FOLR3: variants seen among roughly 807,000 people sequenced by gnomAD.
FOLR3 encodes the protein folate receptor 3 (gamma).
Under a neutral mutation model 20.0 loss-of-function variants are expected in FOLR3, and 9 were observed. That is an observed-to-expected ratio of 0.45 (90% CI 0.27 to 0.79). The LOEUF (loss-of-function observed/expected upper bound fraction) is 0.79. FOLR3 is among the 30% of genes least tolerant of loss of function. The probability of loss-of-function intolerance (pLI) is 0.15; values close to 1 mark genes in which losing one functional copy is unlikely to be tolerated. For missense variants in FOLR3, 309 were observed against 323.5 expected (o/e 0.96, Z 0.34); for synonymous variants, 124 against 115.5 (o/e 1.07, Z -0.47).
intron 2 of FOLR3, 58 bp downstream of exon 2, chr11:72,136,178 C>T: frequency 1.3e-6 from 2 of 1,588,454 alleles, no homozygotes; most frequent in Non-Finnish European, 1.7e-6. Context: ...ATGGCACGAG[C>T]AATGGCAGGT....
At chr11:72,136,361 C>G (rs528756212) in intron 2 of FOLR3, among the ~76,000 whole-genome samples, 20 of 152,178 alleles carry the variant, frequency 1.3e-4, no homozygotes, top group Non-Finnish European at 2.6e-4. Flanking sequence ...TGGCCTGCTC[C>G]CTACAAGGTT....
chr11:72,136,152 C>T (rs1947739760), intron 2 of FOLR3, 32 bp downstream of exon 2: 2 of 1,611,794 alleles, frequency 1.2e-6, no homozygotes, highest in African/African-American at 1.3e-5. Flanking sequence ...ACAGCATGCA[C>T]ACAGGTCAGA....
At chr11:72,136,156 G>T in intron 2 of FOLR3, 36 bp downstream of exon 2, 7 of 1,607,702 alleles carry the variant, frequency 4.4e-6, no homozygotes, top group Non-Finnish European at 6.0e-6. Flanking sequence ...CATGCACACA[G>T]GTCAGAGGGT....
Position 72,139,793 on chromosome 11 carries a change from AATGCT to A in FOLR3, c.701_705del (p.Asn234ArgfsTer9), listed in dbSNP as rs769246488. On this transcript the variant is annotated frameshift_variant, in exon 5 of 5. Transcript: ENST00000611028. LOFTEE classifies it low-confidence loss of function (END_TRUNC). The stretch of plus-strand genomic sequence containing the variant: ...GGCCAAGTTCTATGCTGCGGCCATG[AATGCT>A]GGGGCCCCGTCTCGTGGGATTATTG... 1.8e-5 allele frequency: 29 copies of A among 1,613,846 alleles called. No homozygotes were observed. Among genetic ancestry groups the A allele is most frequent in the Non-Finnish European group, 2.4e-5 (28 of 1,179,920 alleles).
In FOLR3 at chr11:72,139,818, T is replaced by A; in HGVS notation, c.725T>A (p.Ile242Asn). ...AMNAGAPSRGIIDS is the reference protein window; with the variant it reads ...AMNAGAPSRGNIDS ...AATGCTGGGGCCCCGTCTCGTGGGA[T>A]TATTGATTCCTGATCCAAGAAGGGT... is the stretch of plus-strand genomic sequence containing the variant. The change falls in exon 5 of 5, where the codon ATT becomes AAT. Residue 242 changes from isoleucine (I) to asparagine (N), a missense_variant. Coordinates refer to ENST00000611028, the MANE Select transcript of FOLR3 (RefSeq NM_000804.4). 6.2e-7 allele frequency: 1 copy of A among 1,613,898 alleles called. No homozygotes were observed. Among genetic ancestry groups the A allele is most frequent in the Non-Finnish European group, 8.5e-7 (1 of 1,179,828 alleles).
intron 3 of FOLR3, 48 bp from the exon 4 acceptor site, chr11:72,139,299 T>G (rs377203798): frequency 5.1e-5 from 82 of 1,594,462 alleles, no homozygotes; most frequent in Non-Finnish European, 6.0e-5. Context: ...AGGGTAAAGC[T>G]GCTGAGATAC....
rs772052365 is a variant in FOLR3, at chr11:72,135,946, G to A, written c.-6-1G>A. ...TACCTCTGACTGTGGCTCTCTGGCA[G>A]GAATAGATGGACATGGCCTGGCAGA... On this transcript the variant is annotated splice_acceptor_variant, in intron 1 of 4. Coordinates refer to ENST00000611028, the MANE Select transcript of FOLR3 (RefSeq NM_000804.4). LOFTEE classifies it low-confidence loss of function (5UTR_SPLICE). 10 of 1,608,366 alleles carry A rather than the reference G, an allele frequency of 6.2e-6. No homozygotes were observed. Among genetic ancestry groups the A allele is most frequent in the Non-Finnish European group, 7.7e-6 (9 of 1,176,298 alleles).
At chr11:72,138,669 G>A (rs1238652094) in intron 2 of FOLR3, among the ~76,000 whole-genome samples, 1 of 152,208 alleles carries the variant, frequency 6.6e-6, no homozygotes. Context: ...CTCCTCGGGA[G>A]GCTGAGGTGG....
In FOLR3 at chr11:72,136,087, A is replaced by G; in HGVS notation, c.135A>G (p.Thr45=). 1.9e-6 allele frequency: 3 copies of G among 1,614,102 alleles called. No homozygotes were observed. Among genetic ancestry groups the G allele is most frequent in the South Asian group, 1.1e-5 (1 of 91,080 alleles). The change falls in exon 2 of 5, where the codon ACA becomes ACG. Residue 45 remains threonine (T), a synonymous_variant. Coordinates refer to ENST00000611028, the MANE Select transcript of FOLR3 (RefSeq NM_000804.4). Reference sequence around the variant, plus strand: ...GCATGAACGCCAAGCACCACAAGACACAGCCCAGCCCCGAGGACGAGCTGT... The same window carrying G: ...GCATGAACGCCAAGCACCACAAGACGCAGCCCAGCCCCGAGGACGAGCTGT... ...NVCMNAKHHK[T]QPSPEDELYG... is the part of the protein sequence containing the mutation.
chr11:72,138,627 G>T (rs7926360), intron 2 of FOLR3, among the ~76,000 whole-genome samples: 10,023 of 152,002 alleles, frequency 0.066, 438 homozygotes, highest in African/African-American at 0.11. Flanking sequence ...CTTTATATTA[G>T]CCAGGCATGG....
chr11:72,139,840 G>A lies in FOLR3; in HGVS notation c.*9G>A. 3 of 1,612,576 alleles carry A rather than the reference G, an allele frequency of 1.9e-6. No homozygotes were observed. The highest frequency in any genetic ancestry group is 1.7e-6 in the Non-Finnish European group (2 of 1,178,818). On this transcript the variant is annotated 3_prime_UTR_variant, in exon 5 of 5. Transcript: ENST00000611028. Reference sequence around the variant, plus strand: ...GGATTATTGATTCCTGATCCAAGAAGGGTCCTCTGGGGTTCTTCCAACAAC... The same window carrying A: ...GGATTATTGATTCCTGATCCAAGAAAGGTCCTCTGGGGTTCTTCCAACAAC...
chr11:72,136,969 A>C (rs60941917), intron 2 of FOLR3, among the ~76,000 whole-genome samples: 2,230 of 152,322 alleles, frequency 0.015, 59 homozygotes, highest in African/African-American at 0.051. Context: ...AAGAGTTGGA[A>C]CATCCAAGGA....
At position 72,139,579 on chromosome 11, in the gene FOLR3, T is replaced by TC; in HGVS notation, c.494-5dup. Reference sequence around the variant, plus strand: ...AGAAGCTAAGGGTCTTACGTTCTCCTCCCTCAGGGATTAATGAGTGTCCGG... The same window carrying TC: ...AGAAGCTAAGGGTCTTACGTTCTCCTCCCCTCAGGGATTAATGAGTGTCCGG... On this transcript the variant is annotated splice_region_variant and splice_polypyrimidine_tract_variant and intron_variant, in intron 4 of 4. Transcript: ENST00000611028. The TC allele has an allele frequency of 6.2e-7, 1 of 1,613,874 alleles. No homozygotes were observed.
intron 2 of FOLR3, among the ~76,000 whole-genome samples, chr11:72,138,171 A>G (rs779835506): frequency 5.3e-5 from 8 of 152,194 alleles, no homozygotes; most frequent in Non-Finnish European, 1.0e-4. Flanking sequence ...GTTCGAGACC[A>G]GCCTGGCAAA....
At chr11:72,136,394 A>ATG (rs1316173237) in intron 2 of FOLR3, among the ~76,000 whole-genome samples, 4 of 151,848 alleles carry the variant, frequency 2.6e-5, no homozygotes, top group Admixed American at 2.6e-4. Flanking sequence ...AGGGCTGGGG[A>ATG]TGTGCCTAGG....
chr11:72,139,689 T>C lies in FOLR3; in HGVS notation c.596T>C (p.Val199Ala), dbSNP rs1947793878. ...CEGLWSHSFK[V>A]SNYSRGSGRC... ...GGCCTCTGGAGCCACTCCTTCAAGGTCAGCAACTATAGTCGAGGGAGCGGC... is the reference window on the plus strand; with the variant it reads ...GGCCTCTGGAGCCACTCCTTCAAGGCCAGCAACTATAGTCGAGGGAGCGGC... The change falls in exon 5 of 5, where the codon GTC becomes GCC. Residue 199 changes from valine (V) to alanine (A), a missense_variant. Physicochemically the swap from Val to Ala is moderately conservative, Grantham distance 64. Transcript: ENST00000611028. 8 of 1,613,734 alleles carry C rather than the reference T, an allele frequency of 5.0e-6. No individual in the cohort carries two copies. The highest frequency in any genetic ancestry group is 6.8e-6 in the Non-Finnish European group (8 of 1,179,932).
chr11:72,139,191 C>T (rs375612736), intron 3 of FOLR3, 42 bp downstream of exon 3: 11 of 1,581,888 alleles, frequency 7.0e-6, no homozygotes, highest in Admixed American at 3.5e-5. Context: ...CAGCAGAGGG[C>T]GGAGCCTGCC....
intron 2 of FOLR3, among the ~76,000 whole-genome samples, chr11:72,137,647 GT>G (rs990410805): frequency 1.3e-5 from 2 of 151,888 alleles, no homozygotes; most frequent in African/African-American, 4.8e-5. Flanking sequence ...GCCTACCACT[GT>G]GCCTGGCTAA....
chr11:72,139,079 G>A lies in FOLR3; in HGVS notation c.287G>A (p.Cys96Tyr). 2 of 1,604,760 alleles carry A rather than the reference G, an allele frequency of 1.2e-6. No homozygotes were observed. Among genetic ancestry groups the A allele is most frequent in the Non-Finnish European group, 1.7e-6 (2 of 1,177,324 alleles). The change falls in exon 3 of 5, where the codon TGC (cysteine) becomes TAC (tyrosine). Residue 96 changes from cysteine (C) to tyrosine (Y), a missense_variant. Cys to Tyr is a radical substitution (Grantham distance 194). Coordinates refer to ENST00000611028, the MANE Select transcript of FOLR3 (RefSeq NM_000804.4). ...CACTGTGGTAAGATGGAACCCACCTGCAAGCGCCACTTTATCCAGGACAGC... is the reference window on the plus strand; with the variant it reads ...CACTGTGGTAAGATGGAACCCACCTACAAGCGCCACTTTATCCAGGACAGC... Reference protein sequence around the residue: ...WDHCGKMEPTCKRHFIQDSCL... With the variant: ...WDHCGKMEPTYKRHFIQDSCL...
Sources: gnomAD v4.1 joint callset for allele counts (sites outside exome capture counted in the v4.1 genomes callset) on GRCh38, gnomAD v4.1.1 for gene constraint, MANE v1.5 for transcripts, NCBI Gene and HGNC (gene_info 2026-07-23, HGNC 2026-07-21) for gene names.